The following SYNPR variants were observed in gnomAD, a reference collection of about 807,000 sequenced individuals.
SYNPR encodes synaptoporin.
In SYNPR, 23 loss-of-function variants were observed where a neutral mutation model predicts 32.9. That is an observed-to-expected ratio of 0.70 (90% CI 0.50 to 0.99). The LOEUF is 0.99. SYNPR is among the 50% of genes least tolerant of loss of function. The probability of loss-of-function intolerance (pLI) is 0.00; values close to 1 mark genes in which losing one functional copy is unlikely to be tolerated. For synonymous variants in SYNPR, 146 were observed against 135.9 expected, an observed-to-expected ratio of 1.07 and a Z score of -0.52; for missense variants, 318 against 349.3, an observed-to-expected ratio of 0.91 and a Z score of 0.71.
chr3:63,218,306 A>G, the SYNPR span, among the ~76,000 whole-genome samples: 224 of 152,254 alleles, frequency 1.5e-3, no homozygotes, highest in Middle Eastern at 0.01. Flanking sequence ...CTGTTTCCCC[A>G]TTGTTCTCTA....
chr3:63,489,423 T>C (rs530769254), intron 3 of SYNPR, among the ~76,000 whole-genome samples: 2 of 152,310 alleles, frequency 1.3e-5, no homozygotes, highest in Non-Finnish European at 2.9e-5. Flanking sequence ...AAAGCCATCA[T>C]TGTATACAGA....
intron 3 of SYNPR, among the ~76,000 whole-genome samples, chr3:63,544,868 C>G (rs774725840): frequency 6.6e-6 from 1 of 151,520 alleles, no homozygotes; most frequent in Non-Finnish European, 1.5e-5. Context: ...TCATCTCATT[C>G]AAACTTCACA....
intron 2 of SYNPR, among the ~76,000 whole-genome samples, chr3:63,296,124 AC>A (rs1240289218): frequency 1.1e-4 from 16 of 152,322 alleles, no homozygotes; most frequent in Non-Finnish European, 1.9e-4. Context: ...GGTGTGGCAT[AC>A]AGCATAGGGG....
intron 2 of SYNPR, among the ~76,000 whole-genome samples, chr3:63,370,552 C>T (rs2107051014): frequency 6.6e-6 from 1 of 152,292 alleles, no homozygotes; most frequent in South Asian, 2.1e-4. Context: ...TGAAACTTAA[C>T]TGTGGTAATT....
upstream of SYNPR, among the ~76,000 whole-genome samples, chr3:63,275,907 G>A (rs948792789): frequency 1.2e-4 from 18 of 152,120 alleles, no homozygotes; most frequent in African/African-American, 3.1e-4. Flanking sequence ...GAGATCATAC[G>A]AACCTAGGGT....
chr3:63,473,614 A>G (rs1167432195), intron 2 of SYNPR, among the ~76,000 whole-genome samples: 2 of 152,204 alleles, frequency 1.3e-5, no homozygotes, highest in Non-Finnish European at 2.9e-5. Context: ...AAAATAGAAT[A>G]ATGGGAGCCG....
At chr3:63,252,244 G>A (rs1049631408) in intron 1 of SYNPR, among the ~76,000 whole-genome samples, 1 of 152,150 alleles carries the variant, frequency 6.6e-6, no homozygotes, top group African/African-American at 2.4e-5. Context: ...TCTAGAGACT[G>A]AGATGTTTCA....
At chr3:63,455,626 C>A (rs1224057728) in intron 2 of SYNPR, among the ~76,000 whole-genome samples, 1 of 152,058 alleles carries the variant, frequency 6.6e-6, no homozygotes, top group Non-Finnish European at 1.5e-5. Flanking sequence ...AAAGTTCTGA[C>A]AGGGCAGATG....
chr3:63,506,037 T>C (rs989069432), intron 3 of SYNPR, among the ~76,000 whole-genome samples: 1 of 152,124 alleles, frequency 6.6e-6, no homozygotes, highest in Non-Finnish European at 1.5e-5. Flanking sequence ...AGCACCTAGA[T>C]TACTCCTCCA....
chr3:63,208,029 G>A, the SYNPR span, among the ~76,000 whole-genome samples: 5 of 146,362 alleles, frequency 3.4e-5, no homozygotes, highest in African/African-American at 9.7e-5. Context: ...TTAATTCTAC[G>A]TGCAAACACA....
chr3:63,271,748 AT>A (rs2086536782), intron 3 of SYNPR, among the ~76,000 whole-genome samples: 1 of 152,090 alleles, frequency 6.6e-6, no homozygotes. Flanking sequence ...AAATAAAAAA[AT>A]ATGCTGTATT....
intron 2 of SYNPR, among the ~76,000 whole-genome samples, chr3:63,401,835 A>G (rs1225202347): frequency 6.6e-6 from 1 of 152,178 alleles, no homozygotes; most frequent in East Asian, 1.9e-4. Context: ...GCTGCTACCA[A>G]TCTAATGAAG....
chr3:63,272,825 G>A (rs758245560), intron 3 of SYNPR, among the ~76,000 whole-genome samples: 2 of 152,100 alleles, frequency 1.3e-5, no homozygotes, highest in Non-Finnish European at 2.9e-5. Flanking sequence ...CCAGATTAAA[G>A]CCTTCTTCCT....
At chr3:63,376,411 TC>T (rs1465389512) in intron 2 of SYNPR, among the ~76,000 whole-genome samples, 1 of 152,200 alleles carries the variant, frequency 6.6e-6, no homozygotes, top group Non-Finnish European at 1.5e-5. Flanking sequence ...ATACTATTTA[TC>T]CTGGCCTATA....
chr3:63,294,717 A>G (rs986277543), intron 2 of SYNPR, among the ~76,000 whole-genome samples: 2 of 152,160 alleles, frequency 1.3e-5, no homozygotes, highest in African/African-American at 2.4e-5. Flanking sequence ...GTTGTTATAA[A>G]TCTTTCATAA....
chr3:63,516,265 C>T (rs553938714), intron 3 of SYNPR, among the ~76,000 whole-genome samples: 7 of 152,126 alleles, frequency 4.6e-5, no homozygotes, highest in Non-Finnish European at 8.8e-5. Flanking sequence ...CCCATCTTTG[C>T]TTATCTTGGG....
chr3:63,273,183 C>G (rs1055955488), intron 3 of SYNPR, among the ~76,000 whole-genome samples: 2 of 152,032 alleles, frequency 1.3e-5, no homozygotes, highest in African/African-American at 4.8e-5. Flanking sequence ...TATGTTTCGG[C>G]AAGAAAAATA....
At chr3:63,519,232 A>C (rs1701860058) in intron 3 of SYNPR, among the ~76,000 whole-genome samples, 1 of 152,094 alleles carries the variant, frequency 6.6e-6, no homozygotes. Flanking sequence ...TTTTTCATAG[A>C]GTACACAGGT....
chr3:63,609,175 A>T lies in SYNPR; in HGVS notation c.459A>T (p.Ser153=). The part of the protein sequence containing the change: ...VFSFLWLVGS[S]AWAKGLSDVK... The stretch of plus-strand genomic sequence containing the variant: ...CGTTCTTGTGGTTGGTGGGTTCATC[A>T]GCTTGGGCAAAAGGACTGTCTGACG... The change falls in exon 5 of 6, where the codon TCA becomes TCT. Residue 153 remains serine, a synonymous_variant. Transcript: ENST00000478300. The T allele has an allele frequency of 6.2e-7, 1 of 1,611,486 alleles. No homozygotes were observed.
Sources: allele counts gnomAD v4.1 joint callset (sites outside exome capture counted in the v4.1 genomes callset), GRCh38; gene constraint gnomAD v4.1.1; transcripts MANE v1.5; gene names NCBI Gene and HGNC (gene_info 2026-07-23, HGNC 2026-07-21).